Variants in SGCZ observed in about 807,000 individuals in gnomAD.
SGCZ encodes the protein sarcoglycan zeta.
A neutral mutation model predicts 41.3 loss-of-function variants in SGCZ; 40 were observed. The observed-to-expected ratio is 0.97, with a 90% CI of 0.75 to 1.26. The LOEUF is 1.26. Ranked by LOEUF, SGCZ falls within the 50% of genes most tolerant of loss-of-function variation. The pLI, the probability that SGCZ is intolerant of heterozygous loss-of-function variation, is 0.00. For synonymous variants in SGCZ, 206 were observed against 137.5 expected (o/e 1.50, Z -3.49); for missense variants, 552 against 369.8 (o/e 1.49, Z -4.04).
chr8:15,094,295 T>G (rs868472025), intron 1 of SGCZ, among the ~76,000 whole-genome samples: 1 of 152,056 alleles, frequency 6.6e-6, no homozygotes, highest in African/African-American at 2.4e-5. Flanking sequence ...CCACCATGCC[T>G]AGCTAATTTT....
intron 2 of SGCZ, among the ~76,000 whole-genome samples, chr8:14,410,553 A>C (rs1472302089): frequency 1.3e-5 from 2 of 150,478 alleles, no homozygotes; most frequent in South Asian, 2.1e-4. Flanking sequence ...AAAAAAAAAA[A>C]CAGAAGTTCT....
intron 1 of SGCZ, among the ~76,000 whole-genome samples, chr8:15,017,216 A>G (rs1803072972): frequency 6.6e-6 from 1 of 152,192 alleles, no homozygotes; most frequent in African/African-American, 2.4e-5. Flanking sequence ...TTGCCTCATC[A>G]GTAACTGGGA....
chr8:14,499,615 C>T (rs1264958219), intron 2 of SGCZ, among the ~76,000 whole-genome samples: 1 of 151,992 alleles, frequency 6.6e-6, no homozygotes, highest in East Asian at 1.9e-4. Context: ...CTTTCACTGA[C>T]TTTCATTTGA....
intron 1 of SGCZ, among the ~76,000 whole-genome samples, chr8:15,011,028 G>A (rs568132808): frequency 6.6e-6 from 1 of 151,742 alleles, no homozygotes; most frequent in East Asian, 1.9e-4. Flanking sequence ...ATAATTAAAC[G>A]AAGATTATCA....
chr8:14,461,846 A>C (rs984832806), intron 2 of SGCZ, among the ~76,000 whole-genome samples: 1 of 152,072 alleles, frequency 6.6e-6, no homozygotes, highest in Non-Finnish European at 1.5e-5. Context: ...AGTACACTCT[A>C]AGCTCTTTCA....
At chr8:14,257,730 G>T (rs948195967) in intron 3 of SGCZ, among the ~76,000 whole-genome samples, 4 of 151,624 alleles carry the variant, frequency 2.6e-5, no homozygotes, top group Non-Finnish European at 5.9e-5. Context: ...AGAACATGTG[G>T]TGTTTGGTTT....
At chr8:14,737,209 G>T (rs558802046) in intron 1 of SGCZ, among the ~76,000 whole-genome samples, 1 of 149,658 alleles carries the variant, frequency 6.7e-6, no homozygotes, top group African/African-American at 2.5e-5. Context: ...TGGGATAAAT[G>T]ATATTTTTCT....
At chr8:14,246,791 T>A (rs2117195070) in intron 3 of SGCZ, among the ~76,000 whole-genome samples, 1 of 149,238 alleles carries the variant, frequency 6.7e-6, no homozygotes, top group South Asian at 2.1e-4. Flanking sequence ...GCGCCTGTAG[T>A]CCCAGCTACT....
chr8:14,518,935 A>G (rs1421611336), intron 2 of SGCZ, among the ~76,000 whole-genome samples: 1 of 150,290 alleles, frequency 6.7e-6, no homozygotes, highest in African/African-American at 2.5e-5. Context: ...CAGGTGTGGT[A>G]GCACATGCCT....
chr8:14,717,850 C>T (rs1406633138), intron 1 of SGCZ, among the ~76,000 whole-genome samples: 2 of 151,940 alleles, frequency 1.3e-5, no homozygotes, highest in East Asian at 1.9e-4. Flanking sequence ...CTAGTAACTT[C>T]CTAAATTCTC....
At chr8:14,167,868 A>C (rs1270030555) in intron 4 of SGCZ, among the ~76,000 whole-genome samples, 2 of 152,172 alleles carry the variant, frequency 1.3e-5, no homozygotes, top group Non-Finnish European at 2.9e-5. Context: ...AGTAATTTAA[A>C]TACTGGTCTT....
chr8:14,256,548 A>G (rs1159135179), intron 3 of SGCZ, among the ~76,000 whole-genome samples: 1 of 139,936 alleles, frequency 7.1e-6, no homozygotes, highest in African/African-American at 2.5e-5. Context: ...TTTGATGTTC[A>G]GTTGGAATTA....
intron 1 of SGCZ, among the ~76,000 whole-genome samples, chr8:15,115,373 T>A (rs1713261464): frequency 6.6e-6 from 1 of 152,218 alleles, no homozygotes; most frequent in African/African-American, 2.4e-5. Flanking sequence ...GGAATCTTCC[T>A]ATGAGGACAT....
chr8:14,455,611 T>G (rs781768587), intron 2 of SGCZ, among the ~76,000 whole-genome samples: 3 of 152,196 alleles, frequency 2.0e-5, no homozygotes, highest in Non-Finnish European at 4.4e-5. Context: ...AGTAATCTAC[T>G]TTAAAAGCAT....
intron 1 of SGCZ, among the ~76,000 whole-genome samples, chr8:14,832,842 T>A (rs553248275): frequency 6.1e-4 from 93 of 152,280 alleles, no homozygotes; most frequent in African/African-American, 2.2e-3. Flanking sequence ...TTTTTTCTAA[T>A]ATGTATGTTG....
At chr8:14,714,048 A>C (rs886318783) in intron 1 of SGCZ, among the ~76,000 whole-genome samples, 3 of 151,972 alleles carry the variant, frequency 2.0e-5, no homozygotes, top group African/African-American at 7.2e-5. Context: ...GCTCACTACA[A>C]CCTCTGCCTC....
intron 5 of SGCZ, among the ~76,000 whole-genome samples, chr8:14,109,642 G>T (rs900750747): frequency 6.6e-6 from 1 of 152,114 alleles, no homozygotes; most frequent in Non-Finnish European, 1.5e-5. Flanking sequence ...AAGAGGCAAT[G>T]ATGAAATTGC....
chr8:15,229,671 G>C (rs1036769763), intron 1 of SGCZ, among the ~76,000 whole-genome samples: 1 of 152,138 alleles, frequency 6.6e-6, no homozygotes, highest in African/African-American at 2.4e-5. Flanking sequence ...TTCTCCTTCT[G>C]TTTTGGATTT....
intron 1 of SGCZ, among the ~76,000 whole-genome samples, chr8:15,018,299 T>A (rs930769546): frequency 2.0e-5 from 3 of 152,154 alleles, no homozygotes; most frequent in Non-Finnish European, 4.4e-5. Flanking sequence ...ACAAGACAGC[T>A]TATTTTTAGG....
Sources: allele counts gnomAD v4.1 joint callset (sites outside exome capture counted in the v4.1 genomes callset), GRCh38; gene constraint gnomAD v4.1.1; transcripts MANE v1.5; gene names NCBI Gene and HGNC (gene_info 2026-07-23, HGNC 2026-07-21).